Variants in ARK2C observed in about 807,000 individuals in gnomAD.
The protein encoded by ARK2C is arkadia (RNF111) C-terminal like ring finger ubiquitin ligase 2C, also known as E3 ubiquitin-protein ligase ARK2C.
At chr18:46,420,359 C>T in the ARK2C span, among the ~76,000 whole-genome samples, 1 of 152,144 alleles carries the variant, frequency 6.6e-6, no homozygotes, top group African/African-American at 2.4e-5. Flanking sequence ...AAATGGGAGG[C>T]AGAGGAATAA....
the ARK2C span, among the ~76,000 whole-genome samples, chr18:46,369,736 T>C: frequency 6.6e-6 from 1 of 152,158 alleles, no homozygotes; most frequent in African/African-American, 2.4e-5. Flanking sequence ...GGGGGGTCCT[T>C]ATTCCTCTCA....
At chr18:46,350,639 G>C in the ARK2C span, among the ~76,000 whole-genome samples, 2 of 152,164 alleles carry the variant, frequency 1.3e-5, no homozygotes, top group Non-Finnish European at 2.9e-5. Context: ...CGTTCCTCCT[G>C]CCACGCTCGG....
At chr18:46,442,071 G>A in the ARK2C span, among the ~76,000 whole-genome samples, 1 of 150,648 alleles carries the variant, frequency 6.6e-6, no homozygotes, top group Non-Finnish European at 1.5e-5. Flanking sequence ...GCTGAGGCAG[G>A]AGAATGGCGT....
chr18:46,344,551 C>T, the ARK2C span, among the ~76,000 whole-genome samples: 1 of 152,338 alleles, frequency 6.6e-6, no homozygotes, highest in South Asian at 2.1e-4. Flanking sequence ...AGCGTGGAGA[C>T]ACTGGCCTTC....
chr18:46,359,865 C>T, the ARK2C span, among the ~76,000 whole-genome samples: 1 of 152,194 alleles, frequency 6.6e-6, no homozygotes, highest in Admixed American at 6.5e-5. Flanking sequence ...GAAACTAAGG[C>T]ACTTCCTAGA....
the ARK2C span, among the ~76,000 whole-genome samples, chr18:46,414,780 G>A: frequency 6.6e-6 from 1 of 152,192 alleles, no homozygotes; most frequent in African/African-American, 2.4e-5. Context: ...CAGTGCGGAG[G>A]GCAGGTTGCA....
chr18:46,421,649 C>T, the ARK2C span, among the ~76,000 whole-genome samples: 16 of 152,276 alleles, frequency 1.1e-4, no homozygotes, highest in East Asian at 3.1e-3. Flanking sequence ...GTAATTGTAT[C>T]CTGTCTCTAA....
At chr18:46,372,196 A>T in the ARK2C span, among the ~76,000 whole-genome samples, 1 of 152,190 alleles carries the variant, frequency 6.6e-6, no homozygotes, top group African/African-American at 2.4e-5. Flanking sequence ...GAGGCACTGA[A>T]GGGTCCTCCC....
chr18:46,338,798 C>A, the ARK2C span, among the ~76,000 whole-genome samples: 6 of 152,274 alleles, frequency 3.9e-5, no homozygotes, highest in South Asian at 1.2e-3. Flanking sequence ...CTGGTTCTTT[C>A]AAAGGGTCAT....
chr18:46,427,618 C>T, the ARK2C span, among the ~76,000 whole-genome samples: 2 of 152,212 alleles, frequency 1.3e-5, no homozygotes, highest in South Asian at 2.1e-4. Flanking sequence ...TCAAACCAGT[C>T]TGCCTTCAAC....
At chr18:46,429,777 T>C in the ARK2C span, among the ~76,000 whole-genome samples, 10 of 152,244 alleles carry the variant, frequency 6.6e-5, no homozygotes, top group East Asian at 3.9e-4. Context: ...TCTTTTTTTT[T>C]CCTTTCTTTT....
At chr18:46,456,762 G>A in the ARK2C span, 1 of 735,948 alleles carries the variant, frequency 1.4e-6, no homozygotes, top group Non-Finnish European at 2.5e-6. Context: ...CACATTTTGT[G>A]GAAAGAGGAG....
At chr18:46,450,293 C>T in the ARK2C span, 2 of 1,609,250 alleles carry the variant, frequency 1.2e-6, no homozygotes, top group Non-Finnish European at 1.7e-6. Flanking sequence ...TTCTACCCAA[C>T]AGGTCGTCCA....
chr18:46,374,444 C>A, the ARK2C span, among the ~76,000 whole-genome samples: 2 of 152,118 alleles, frequency 1.3e-5, no homozygotes, highest in Non-Finnish European at 2.9e-5. Context: ...CCCCTGGCAG[C>A]CTTTATTCCA....
the ARK2C span, chr18:46,337,721 T>A: frequency 2.3e-5 from 13 of 573,218 alleles, no homozygotes; most frequent in Non-Finnish European, 2.6e-5. Context: ...TTTCCCCCCT[T>A]GCTTTTCTAT....
the ARK2C span, among the ~76,000 whole-genome samples, chr18:46,357,150 A>C: frequency 1.3e-5 from 2 of 152,244 alleles, no homozygotes; most frequent in African/African-American, 4.8e-5. Flanking sequence ...CAGAATGCAC[A>C]TAGGAAAAAT....
chr18:46,415,159 A>G, the ARK2C span, among the ~76,000 whole-genome samples: 51 of 152,246 alleles, frequency 3.3e-4, no homozygotes, highest in African/African-American at 1.2e-3. Flanking sequence ...CCTCTGCCAG[A>G]GTTTGACTGA....
chr18:46,462,873 C>T, the ARK2C span: 2 of 152,228 alleles, frequency 1.3e-5, no homozygotes, highest in Non-Finnish European at 2.9e-5. Context: ...TTTTGTTGCC[C>T]CTGGCAAGTG....
At chr18:46,354,042 A>G in the ARK2C span, among the ~76,000 whole-genome samples, 1 of 152,004 alleles carries the variant, frequency 6.6e-6, no homozygotes, top group Non-Finnish European at 1.5e-5. Context: ...CTCAGTCTCC[A>G]CTCTCACTCT....
Sources: gnomAD v4.1 joint callset for allele counts (sites outside exome capture counted in the v4.1 genomes callset) on GRCh38, gnomAD v4.1.1 for gene constraint, MANE v1.5 for transcripts, NCBI Gene and HGNC (gene_info 2026-07-23, HGNC 2026-07-21) for gene names.